TBCB: variants seen among roughly 807,000 people sequenced by gnomAD.
TBCB encodes the protein tubulin-folding cofactor B.
Under a neutral mutation model 29.2 loss-of-function variants are expected in TBCB, and 18 were observed. That is an observed-to-expected ratio of 0.62 (90% CI 0.43 to 0.91). The LOEUF (loss-of-function observed/expected upper bound fraction) is 0.91. TBCB is among the 40% of genes least tolerant of loss of function. The pLI, the probability that TBCB is intolerant of heterozygous loss-of-function variation, is 0.00. For synonymous variants in TBCB, 172 were observed against 137.8 expected (o/e 1.25, Z -1.74); for missense variants, 336 against 337.6 (o/e 1.00, Z 0.04).
chr19:36,115,571 CG>C lies in TBCB; in HGVS notation c.16del (p.Val6CysfsTer6). On this transcript the variant is annotated frameshift_variant, in exon 1 of 6. Transcript: ENST00000221855. LOFTEE classifies it high-confidence loss of function. ...GCAGGGCGCGGCAAGATGGAGGTGACGGGGGTGTCGGCACCCACGGTGACCG... is the reference window on the plus strand; with the variant it reads ...GCAGGGCGCGGCAAGATGGAGGTGACGGGGTGTCGGCACCCACGGTGACCG... MEVTGVSAPTVTVF... is the reference protein window; with the variant it reads MEVXGVSAPTVTVF... 1 of 1,607,814 alleles carries C rather than the reference CG, an allele frequency of 6.2e-7. No individual in the cohort carries two copies. The highest frequency in any genetic ancestry group is 1.7e-5 in the Admixed American group (1 of 59,614).
In TBCB at chr19:36,121,691, C is replaced by A; in HGVS notation, c.520C>A (p.Pro174Thr). Reference sequence around the variant, plus strand: ...TGAGGTGCGGGCGGCGGGACAATCCCCTCGCCGGGGCACCGTCATGTATGT... The same window carrying A: ...TGAGGTGCGGGCGGCGGGACAATCCACTCGCCGGGGCACCGTCATGTATGT... ...RCEVRAAGQS[P>T]RRGTVMYVGL... The change falls in exon 4 of 6, where the codon CCT becomes ACT. Residue 174 changes from proline (P) to threonine (T), a missense_variant. Transcript: ENST00000221855. The A allele has an allele frequency of 6.4e-7, 1 of 1,555,098 alleles. No homozygotes were observed. The highest frequency in any genetic ancestry group is 1.2e-5 in the South Asian group (1 of 83,346).
chr19:36,118,874 TG>T (rs1351977512), intron 2 of TBCB, among the ~76,000 whole-genome samples: 2 of 151,888 alleles, frequency 1.3e-5, no homozygotes, highest in Non-Finnish European at 2.9e-5. Context: ...CCTCTGGCTG[TG>T]TGTGGGGAAC....
chr19:36,121,532 G>T lies in TBCB; in HGVS notation c.361G>T (p.Val121Phe). Reference protein sequence around the residue: ...QEAYDQRQDTVRSFLKRSKLG... With the variant: ...QEAYDQRQDTFRSFLKRSKLG... ...CCAGCCCCCTCTGCCCACAGACACG[G>T]TCCGCTCTTTCCTGAAGCGCAGCAA... The change falls in exon 4 of 6, where the codon GTC becomes TTC. Residue 121 changes from valine (V) to phenylalanine (F), a missense_variant. Transcript: ENST00000221855. 6.4e-7 allele frequency: 1 copy of T among 1,556,616 alleles called. No individual in the cohort carries two copies. Among genetic ancestry groups the T allele is most frequent in the Non-Finnish European group, 8.7e-7 (1 of 1,152,932 alleles).
intron 2 of TBCB, 172 bp from the exon 3 acceptor site, chr19:36,120,538 T>C (rs1974027808): frequency 1.7e-6 from 1 of 579,280 alleles, no homozygotes; most frequent in South Asian, 2.1e-5. Flanking sequence ...AGGTGGCCAG[T>C]GTACGTAGCT....
chr19:36,122,408 G>A (rs1368730435), intron 4 of TBCB, among the ~76,000 whole-genome samples: 1 of 151,808 alleles, frequency 6.6e-6, no homozygotes, highest in African/African-American at 2.4e-5. Context: ...TTGTGTCATT[G>A]CACCCTAGCC....
Position 36,120,604 on chromosome 19 carries a change from G to A in TBCB, c.259-106G>A. 5 of 895,886 alleles carry A rather than the reference G, an allele frequency of 5.6e-6. No homozygotes were observed. In the South Asian group the frequency reaches 5.8e-5, roughly 10 times the overall value. The allele number at this position is 895,886 out of a possible 1,614,324, so 55.5% of individuals were successfully genotyped here. On this transcript the variant is annotated intron_variant, in intron 2 of 5. Transcript: ENST00000221855. ...AGAGAAGGCTGCAGTACAGGCGAGG[G>A]AGGGAGATGCGTTTTTCCCAGATGG... is the stretch of plus-strand genomic sequence containing the variant.
At chr19:36,123,236 G>A (rs1021334763) in intron 4 of TBCB, among the ~76,000 whole-genome samples, 9 of 150,154 alleles carry the variant, frequency 6.0e-5, no homozygotes, top group Non-Finnish European at 7.4e-5. Context: ...TATGAATAAT[G>A]CTGCTATGAA....
At chr19:36,121,249 C>T (rs566809755) in intron 3 of TBCB, among the ~76,000 whole-genome samples, 1 of 151,736 alleles carries the variant, frequency 6.6e-6, no homozygotes, top group East Asian at 1.9e-4. Flanking sequence ...AGGAGGAAGG[C>T]GGATGATGAA....
At chr19:36,120,074 G>C (rs1974018368) in intron 2 of TBCB, among the ~76,000 whole-genome samples, 1 of 151,864 alleles carries the variant, frequency 6.6e-6, no homozygotes, top group Non-Finnish European at 1.5e-5. Flanking sequence ...CCCCTCTTTT[G>C]GGAAGCCTAC....
chr19:36,115,643 A>G lies in TBCB; in HGVS notation c.83A>G (p.Tyr28Cys), dbSNP rs1341048026. The G allele has an allele frequency of 6.4e-7, 1 of 1,554,360 alleles. No individual in the cohort carries two copies. Among genetic ancestry groups the G allele is most frequent in the South Asian group, 1.1e-5 (1 of 88,966 alleles). Reference protein sequence around the residue: ...SLNTFRSEKRYSRSLTIAEFK... With the variant: ...SLNTFRSEKRCSRSLTIAEFK... ...AACACCTTCCGCTCCGAGAAGCGAT[A>G]CAGCCGCAGCCTCACCATCGCTGAG... is the stretch of plus-strand genomic sequence containing the variant. Residue 28 changes from tyrosine to cysteine, a missense_variant, in exon 1 of 6, where the codon TAC becomes TGC. Physicochemically the swap from Tyr to Cys is radical, Grantham distance 194 (BLOSUM62 -2). Transcript: ENST00000221855.
rs1215433569 is a variant in TBCB at position 36,115,481 on chromosome 19, C to A, written c.-80C>A. 7 of 1,111,560 alleles carry A rather than the reference C, an allele frequency of 6.3e-6. No individual in the cohort carries two copies. The highest frequency in any genetic ancestry group is 9.2e-6 in the Non-Finnish European group (7 of 759,434). The allele number at this position is 1,111,560 out of a possible 1,614,324, so 68.9% of individuals were successfully genotyped here. A position where few individuals can be genotyped will look rare whatever the true frequency, so the allele number is the denominator to read the frequency against. On this transcript the variant is annotated 5_prime_UTR_variant, in exon 1 of 6. Transcript: ENST00000221855. ...GCAGGAGGCGGGGCTGATAGCCCAG[C>A]AGCAGCAGCGGCGGCGGCGGCTGCG...
chr19:36,120,016 G>A (rs763101901), intron 2 of TBCB, among the ~76,000 whole-genome samples: 1 of 151,166 alleles, frequency 6.6e-6, no homozygotes, highest in Non-Finnish European at 1.5e-5. Flanking sequence ...ACCTCTGGCC[G>A]TCTGCACCTG....
In TBCB at chr19:36,120,503, A is replaced by T. The variant is rs548928150; in HGVS notation, c.259-207A>T. ...TCTGGGGACAGAGGCAGCCTCTGGG[A>T]GCTTGGATGGGGGTGAGGAAGGGGA... On this transcript the variant is annotated intron_variant, in intron 2 of 5. Transcript: ENST00000221855. 5.0e-4 allele frequency: 279 copies of T among 555,402 alleles called. 1 individual carries two copies. Among genetic ancestry groups the T allele is most frequent in the Non-Finnish European group, 7.3e-4 (227 of 309,522 alleles). The allele number at this position is 555,402 out of a possible 1,614,324, so 34.4% of individuals were successfully genotyped here. A position where few individuals can be genotyped will look rare whatever the true frequency, so the allele number is the denominator to read the frequency against.
chr19:36,125,705 T>C lies in TBCB; in HGVS notation c.658T>C (p.Tyr220His), dbSNP rs748514103. Residue 220 changes from tyrosine to histidine, a missense_variant, in exon 6 of 6, where the codon TAT becomes CAT. By Grantham distance (83) the Tyr-to-His change is moderately conservative. Coordinates refer to ENST00000221855, the MANE Select transcript of TBCB (RefSeq NM_001281.3). ...GKRYFECQAKYGAFVKPAVVT... is the reference protein window; with the variant it reads ...GKRYFECQAKHGAFVKPAVVT... ...ACGCTACTTCGAATGCCAGGCCAAGTATGGCGCCTTTGTCAAGCCAGCAGT... is the reference window on the plus strand; with the variant it reads ...ACGCTACTTCGAATGCCAGGCCAAGCATGGCGCCTTTGTCAAGCCAGCAGT... The C allele has an allele frequency of 3.4e-5, 54 of 1,583,118 alleles. No individual in the cohort carries two copies. The highest frequency in any genetic ancestry group is 4.6e-5 in the Non-Finnish European group (53 of 1,164,012).
chr19:36,122,933 CTG>C, intron 4 of TBCB, among the ~76,000 whole-genome samples: 1 of 152,254 alleles, frequency 6.6e-6, no homozygotes, highest in African/African-American at 2.4e-5. Context: ...TCCCCACTGT[CTG>C]GTATTTCCGT....
chr19:36,116,007 GCCT>G (rs1568381259), intron 1 of TBCB, 31 bp from the exon 2 acceptor site: 5 of 1,602,486 alleles, frequency 3.1e-6, no homozygotes, highest in East Asian at 2.2e-5. Flanking sequence ...GGCCTCCGTG[GCCT>G]CCTTCTTCTC....
At chr19:36,120,160 T>C (rs979283266) in intron 2 of TBCB, among the ~76,000 whole-genome samples, 1 of 152,120 alleles carries the variant, frequency 6.6e-6, no homozygotes, top group Non-Finnish European at 1.5e-5. Flanking sequence ...TAGGTACCTG[T>C]TCCTTTGTTT....
At position 36,121,691 on chromosome 19, in the gene TBCB, C is replaced by G. The variant is rs1425374917; in HGVS notation, c.520C>G (p.Pro174Ala). The G allele has an allele frequency of 1.5e-5, 24 of 1,554,980 alleles. No homozygotes were observed. The highest frequency in any genetic ancestry group is 2.1e-5 in the Non-Finnish European group (24 of 1,150,726). Reference sequence around the variant, plus strand: ...TGAGGTGCGGGCGGCGGGACAATCCCCTCGCCGGGGCACCGTCATGTATGT... The same window carrying G: ...TGAGGTGCGGGCGGCGGGACAATCCGCTCGCCGGGGCACCGTCATGTATGT... ...RCEVRAAGQS[P>A]RRGTVMYVGL... Residue 174 changes from proline to alanine, a missense_variant, in exon 4 of 6, where the codon CCT becomes GCT. By Grantham distance (27) the Pro-to-Ala change is conservative. Coordinates refer to ENST00000221855, the MANE Select transcript of TBCB (RefSeq NM_001281.3).
At chr19:36,125,559 ATT>A (rs1216664126) in intron 5 of TBCB, 36 bp downstream of exon 5, 5 of 1,613,612 alleles carry the variant, frequency 3.1e-6, no homozygotes, top group Non-Finnish European at 4.2e-6. Context: ...CTGTGTGTGC[ATT>A]TGTGTGTAAG....
Sources: allele counts gnomAD v4.1 joint callset (sites outside exome capture counted in the v4.1 genomes callset), GRCh38; gene constraint gnomAD v4.1.1; transcripts MANE v1.5; gene names NCBI Gene and HGNC (gene_info 2026-07-23, HGNC 2026-07-21).